The following GAS2 variants were observed in gnomAD, a reference collection of about 807,000 sequenced individuals.
GAS2 encodes the protein growth arrest-specific protein 2.
GAS2 carries 20 observed loss-of-function variants against 37.5 expected under a neutral mutation model. The observed-to-expected ratio is 0.53, with a 90% CI of 0.37 to 0.77. The LOEUF (loss-of-function observed/expected upper bound fraction) is 0.77, where lower values mean the gene tolerates loss of function less well. Among genes scored for constraint, GAS2 ranks in the 30% least tolerant of loss-of-function variants. The pLI is 0.00. For synonymous variants in GAS2, 144 were observed against 132.2 expected, an observed-to-expected ratio of 1.09 and a Z score of -0.61; for missense variants, 336 against 373.4, an observed-to-expected ratio of 0.90 and a Z score of 0.82.
At chr11:22,769,321 A>C (rs1854854682) in intron 7 of GAS2, among the ~76,000 whole-genome samples, 1 of 152,210 alleles carries the variant, frequency 6.6e-6, no homozygotes, top group Non-Finnish European at 1.5e-5. Flanking sequence ...AAGGAATAAC[A>C]TGTCCAACCT....
chr11:22,769,635 C>T (rs1248427612), intron 7 of GAS2, among the ~76,000 whole-genome samples: 1 of 152,118 alleles, frequency 6.6e-6, no homozygotes, highest in African/African-American at 2.4e-5. Flanking sequence ...ACAGTTTTCC[C>T]AAAGATGACT....
intron 3 of GAS2, among the ~76,000 whole-genome samples, chr11:22,696,216 G>C (rs1163656538): frequency 2.0e-5 from 3 of 151,178 alleles, no homozygotes; most frequent in Non-Finnish European, 4.4e-5. Flanking sequence ...CCTTGCGATA[G>C]TTTACTGAGA....
chr11:22,710,862 A>C (rs955641131), intron 3 of GAS2, among the ~76,000 whole-genome samples: 1 of 152,100 alleles, frequency 6.6e-6, no homozygotes, highest in East Asian at 1.9e-4. Flanking sequence ...CCTTTAGTCC[A>C]TCCTTGACAG....
In GAS2 at chr11:22,777,425, ACATATT is replaced by A. The variant is rs1490267127; in HGVS notation, c.723+21476_723+21481del. ...TCCATGAAGCAGCATTATTTAGAGTACATATTCATTCAACAAAATTTTGCTGAGTAC... is the reference window on the plus strand; with the variant it reads ...TCCATGAAGCAGCATTATTTAGAGTACATTCAACAAAATTTTGCTGAGTAC... On this transcript the variant is annotated intron_variant, in intron 7 of 7. Coordinates refer to ENST00000454584, the MANE Select transcript of GAS2 (RefSeq NM_001143830.3). Among the ~76,000 whole-genome samples the A allele has an allele frequency of 6.6e-5, 10 of 152,330 alleles. No homozygotes were observed. The East Asian group carries it at 1.7e-3, about 26-fold the overall frequency.
chr11:22,787,591 GAAAA>G (rs1025853572), intron 7 of GAS2, among the ~76,000 whole-genome samples: 25 of 151,900 alleles, frequency 1.6e-4, no homozygotes, highest in African/African-American at 6.0e-4. Flanking sequence ...AAAGAAAAAA[GAAAA>G]AGAAAAAAGA....
intron 7 of GAS2, among the ~76,000 whole-genome samples, chr11:22,767,597 T>A (rs570367680): frequency 6.6e-6 from 1 of 152,288 alleles, no homozygotes; most frequent in East Asian, 1.9e-4. Flanking sequence ...ATGCATAATG[T>A]GTTGTGTTCT....
chr11:22,760,039 C>T (rs767994638), intron 7 of GAS2, among the ~76,000 whole-genome samples: 1 of 152,172 alleles, frequency 6.6e-6, no homozygotes, highest in African/African-American at 2.4e-5. Flanking sequence ...CTCACTGCAA[C>T]CTCCATCTCC....
chr11:22,768,874 G>T lies in GAS2; in HGVS notation c.723+12921G>T, dbSNP rs376020014. ...ATTTCAAATTTGTCTTCTAGCTTTT[G>T]TATTAGGCATAAGGTCTCTAAGAAT... is the stretch of plus-strand genomic sequence containing the variant. On this transcript the variant is annotated intron_variant, in intron 7 of 7. Coordinates refer to ENST00000454584, the MANE Select transcript of GAS2 (RefSeq NM_001143830.3). Among the ~76,000 whole-genome samples, 14 of 152,274 alleles carry T rather than the reference G, an allele frequency of 9.2e-5. No homozygotes were observed. The East Asian group carries it at 1.7e-3, about 19-fold the overall frequency.
chr11:22,792,514 C>G (rs970018357), intron 7 of GAS2, among the ~76,000 whole-genome samples: 2 of 152,148 alleles, frequency 1.3e-5, no homozygotes, highest in African/African-American at 2.4e-5. Context: ...AATAAAGTTA[C>G]TAGAATTTCT....
chr11:22,753,264 T>C (rs575382059), intron 6 of GAS2, among the ~76,000 whole-genome samples: 1 of 152,158 alleles, frequency 6.6e-6, no homozygotes, highest in South Asian at 2.1e-4. Context: ...CTTAACAATA[T>C]ATTTCCACTG....
At chr11:22,681,241 A>G (rs1041576632) in intron 2 of GAS2, among the ~76,000 whole-genome samples, 6 of 152,208 alleles carry the variant, frequency 3.9e-5, no homozygotes, top group African/African-American at 1.4e-4. Flanking sequence ...TATTTCTGGG[A>G]GGAATACACT....
At chr11:22,647,958 T>A (rs1308838335) in intron 1 of GAS2, among the ~76,000 whole-genome samples, 1 of 152,164 alleles carries the variant, frequency 6.6e-6, no homozygotes, top group Non-Finnish European at 1.5e-5. Context: ...TTGGCTTTTG[T>A]TGCCATTGCT....
At chr11:22,809,351 AGTCTGGCATTTAATT>A (rs1467096514) in intron 7 of GAS2, among the ~76,000 whole-genome samples, 2 of 152,170 alleles carry the variant, frequency 1.3e-5, no homozygotes, top group African/African-American at 4.8e-5. Context: ...AGGGGCAAGG[AGTCTGGCATTTAATT>A]GTCTGGTGTC....
chr11:22,696,696 A>G (rs1209103241), intron 3 of GAS2, among the ~76,000 whole-genome samples: 3 of 151,032 alleles, frequency 2.0e-5, no homozygotes, highest in Non-Finnish European at 4.4e-5. Flanking sequence ...ATGGCCAGTG[A>G]TGATGAGCAT....
intron 7 of GAS2, among the ~76,000 whole-genome samples, chr11:22,811,307 A>G (rs1412982768): frequency 1.3e-5 from 2 of 152,236 alleles, no homozygotes; most frequent in African/African-American, 2.4e-5. Context: ...GAAAACTCCA[A>G]TAATTTTTTT....
intron 3 of GAS2, among the ~76,000 whole-genome samples, chr11:22,689,346 G>C (rs1850121975): frequency 6.6e-6 from 1 of 152,132 alleles, no homozygotes; most frequent in African/African-American, 2.4e-5. Flanking sequence ...AATTTGATCT[G>C]AGGTAAAAGT....
intron 4 of GAS2, among the ~76,000 whole-genome samples, chr11:22,728,232 A>C (rs1400577880): frequency 6.6e-6 from 1 of 151,986 alleles, no homozygotes; most frequent in Non-Finnish European, 1.5e-5. Context: ...TGAACTAATG[A>C]AATTTTCCTG....
At chr11:22,721,257 T>C (rs986355492) in intron 3 of GAS2, among the ~76,000 whole-genome samples, 15 of 152,016 alleles carry the variant, frequency 9.9e-5, no homozygotes, top group African/African-American at 2.7e-4. Flanking sequence ...ACCTCCTGCG[T>C]GTAAAGCACC....
At chr11:22,730,399 G>T (rs890235758) in intron 4 of GAS2, among the ~76,000 whole-genome samples, 2 of 151,630 alleles carry the variant, frequency 1.3e-5, no homozygotes, top group Admixed American at 1.3e-4. Flanking sequence ...TTTTCACATT[G>T]TTGAAGTTAA....
Sources: gnomAD v4.1 joint callset for allele counts (sites outside exome capture counted in the v4.1 genomes callset) on GRCh38, gnomAD v4.1.1 for gene constraint, MANE v1.5 for transcripts, NCBI Gene and HGNC (gene_info 2026-07-23, HGNC 2026-07-21) for gene names.